MCPH1: variants seen among roughly 807,000 people sequenced by gnomAD.
The protein encoded by MCPH1 is microcephalin.
A neutral mutation model predicts 84.5 loss-of-function variants in MCPH1; 104 were observed. The ratio of observed to expected loss-of-function variants is 1.23; its 90% CI spans 1.05 to 1.45. MCPH1 has a LOEUF of 1.45. MCPH1 is among the 40% of genes most tolerant of loss of function. The pLI is 0.00. For synonymous variants in MCPH1, 514 were observed against 366.8 expected, an observed-to-expected ratio of 1.40 and a Z score of -4.58; for missense variants, 1,498 against 1,005.7, an observed-to-expected ratio of 1.49 and a Z score of -6.62.
At chr8:6,506,823 G>A (rs1813820077) in intron 12 of MCPH1, among the ~76,000 whole-genome samples, 1 of 151,310 alleles carries the variant, frequency 6.6e-6, no homozygotes, top group Non-Finnish European at 1.5e-5. Flanking sequence ...AGCATAAAAG[G>A]CATGAAATTT....
intron 12 of MCPH1, among the ~76,000 whole-genome samples, chr8:6,534,679 C>G (rs1465448887): frequency 6.6e-6 from 1 of 152,044 alleles, no homozygotes; most frequent in African/African-American, 2.4e-5. Context: ...GTCACTGATA[C>G]CCGGCAGGCC....
chr8:6,448,212 C>A (rs765824751), intron 8 of MCPH1, among the ~76,000 whole-genome samples: 2 of 152,194 alleles, frequency 1.3e-5, no homozygotes, highest in African/African-American at 4.8e-5. Context: ...CCAACGAAGG[C>A]TTCCCTGAGA....
intron 11 of MCPH1, among the ~76,000 whole-genome samples, chr8:6,492,723 AT>A (rs1213357429): frequency 8.6e-6 from 1 of 115,910 alleles, no homozygotes; most frequent in African/African-American, 2.6e-5. Context: ...TTTATATTAA[AT>A]TATCAAATAA....
At position 6,445,152 on chromosome 8, in the gene MCPH1, C is replaced by G. The variant is rs926140350; in HGVS notation, c.1430C>G (p.Thr477Arg). The G allele has an allele frequency of 1.2e-6, 2 of 1,614,242 alleles. No homozygotes were observed. Among genetic ancestry groups the G allele is most frequent in the Non-Finnish European group, 1.7e-6 (2 of 1,180,040 alleles). Residue 477 changes from threonine to arginine, a missense_variant, in exon 8 of 14, where the codon ACA becomes AGA. Coordinates refer to ENST00000344683, the MANE Select transcript of MCPH1 (RefSeq NM_024596.5). The stretch of plus-strand genomic sequence containing the variant: ...AGAACAGTTGACATTACCAATTTCA[C>G]AGCAAAAACCATCTCCAGTCCTCGG... ...KTRTVDITNF[T>R]AKTISSPRKT...
intron 11 of MCPH1, among the ~76,000 whole-genome samples, chr8:6,490,426 C>CAAACTGTTA (rs1810432228): frequency 3.3e-5 from 5 of 152,278 alleles, no homozygotes; most frequent in African/African-American, 1.2e-4. Flanking sequence ...TATTTCAAGG[C>CAAACTGTTA]TTCTAAACTC....
At chr8:6,532,273 C>T (rs1038102814) in intron 12 of MCPH1, 110 of 1,598,774 alleles carry the variant, frequency 6.9e-5, no homozygotes, top group East Asian at 2.5e-4. Context: ...GCTCCTGACG[C>T]GACTGAGTGC....
At chr8:6,442,951 T>C (rs1045643541) in intron 7 of MCPH1, among the ~76,000 whole-genome samples, 4 of 152,270 alleles carry the variant, frequency 2.6e-5, no homozygotes, top group Non-Finnish European at 4.4e-5. Context: ...TATTTACCCA[T>C]TTCTCTTAAA....
intron 9 of MCPH1, among the ~76,000 whole-genome samples, chr8:6,467,192 A>T (rs1434543191): frequency 6.6e-6 from 1 of 152,198 alleles, no homozygotes; most frequent in African/African-American, 2.4e-5. Context: ...TTTATATATC[A>T]ATAGTGAGTC....
At chr8:6,610,995 A>T (rs1475663230) in intron 12 of MCPH1, among the ~76,000 whole-genome samples, 2 of 152,168 alleles carry the variant, frequency 1.3e-5, no homozygotes, top group Non-Finnish European at 2.9e-5. Flanking sequence ...GATGTCTCCC[A>T]GACCCCTCTC....
At chr8:6,433,630 C>CAAAA (rs60661127) in intron 4 of MCPH1, among the ~76,000 whole-genome samples, 1,064 of 40,842 alleles carry the variant, frequency 0.026, 67 homozygotes, top group African/African-American at 0.075. Flanking sequence ...GGCTCTGTCT[C>CAAAA]AAAAAAAAAA....
intron 11 of MCPH1, among the ~76,000 whole-genome samples, chr8:6,488,154 G>A (rs1422297882): frequency 1.3e-5 from 2 of 152,236 alleles, no homozygotes; most frequent in Admixed American, 6.5e-5. Context: ...TGCAGGCTGC[G>A]GCAGCGTGGC....
chr8:6,513,105 A>G (rs1294395244), intron 12 of MCPH1, among the ~76,000 whole-genome samples: 2 of 152,232 alleles, frequency 1.3e-5, no homozygotes, highest in African/African-American at 4.8e-5. Context: ...ATGAAAGCCA[A>G]TTATCTACCA....
chr8:6,433,630 CAAAAAAAAAAA>C (rs60661127), intron 4 of MCPH1, among the ~76,000 whole-genome samples: 2 of 40,896 alleles, frequency 4.9e-5, no homozygotes, highest in African/African-American at 1.6e-4. Context: ...GGCTCTGTCT[CAAAAAAAAAAA>C]AAAAAAAAAA....
Position 6,551,585 on chromosome 8 carries a change from C to A in MCPH1, c.2214+51656C>A, listed in dbSNP as rs546381719. On this transcript the variant is annotated intron_variant, in intron 12 of 13. Transcript: ENST00000344683. ...TTTTTTTAACTCATAACATTTTTGT[C>A]CCAGTCATCAACACTGTTAAGAACA... Among the ~76,000 whole-genome samples, 19 of 152,088 alleles carry A rather than the reference C, an allele frequency of 1.2e-4. No individual in the cohort carries two copies. The East Asian group carries it at 3.7e-3, about 29-fold the overall frequency.
Position 6,452,173 on chromosome 8 carries a change from GATC to G in MCPH1, c.1826-2967_1826-2965del, listed in dbSNP as rs531283656. On this transcript the variant is annotated intron_variant, in intron 8 of 13. Coordinates refer to ENST00000344683, the MANE Select transcript of MCPH1 (RefSeq NM_024596.5). The stretch of plus-strand genomic sequence containing the variant: ...CTTGCCCTGGATCTGGCTCCAAAGT[GATC>G]ATATTAGTCATTTTCTTCTCTTTTC... Among the ~76,000 whole-genome samples the G allele has an allele frequency of 1.8e-4, 28 of 152,216 alleles. 1 individual carries two copies. The South Asian group carries it at 5.6e-3, about 30-fold the overall frequency.
intron 13 of MCPH1, among the ~76,000 whole-genome samples, chr8:6,639,563 CA>C (rs1217086410): frequency 4.6e-5 from 7 of 151,474 alleles, no homozygotes; most frequent in Non-Finnish European, 8.8e-5. Context: ...CTCAGGACGT[CA>C]AGGTGGGAGG....
chr8:6,586,115 C>A (rs1007263706), intron 12 of MCPH1, among the ~76,000 whole-genome samples: 2 of 152,260 alleles, frequency 1.3e-5, no homozygotes, highest in African/African-American at 4.8e-5. Flanking sequence ...CATGTGCCAC[C>A]ATGCCCACGC....
chr8:6,455,036 C>G (rs752831889), intron 8 of MCPH1, 107 bp from the exon 9 acceptor site: 2 of 824,348 alleles, frequency 2.4e-6, no homozygotes, highest in East Asian at 2.4e-5. Flanking sequence ...ATTTAAAAGG[C>G]CTATAACTTC....
chr8:6,538,144 C>A (rs1287577940), intron 12 of MCPH1, among the ~76,000 whole-genome samples: 1 of 152,032 alleles, frequency 6.6e-6, no homozygotes, highest in Non-Finnish European at 1.5e-5. Context: ...TCTTCCCACC[C>A]AGCCCTTCCA....
Sources: allele counts gnomAD v4.1 joint callset (sites outside exome capture counted in the v4.1 genomes callset), GRCh38; gene constraint gnomAD v4.1.1; transcripts MANE v1.5; gene names NCBI Gene and HGNC (gene_info 2026-07-23, HGNC 2026-07-21).